Variants in AKAP10 observed in about 807,000 individuals in gnomAD.
AKAP10 encodes A-kinase anchoring protein 10.
AKAP10 carries 24 observed loss-of-function variants against 80.8 expected under a neutral mutation model. The ratio of observed to expected loss-of-function variants is 0.30; its 90% CI spans 0.22 to 0.42. The LOEUF is 0.42. AKAP10 is among the 10% of genes least tolerant of loss of function. The probability of loss-of-function intolerance (pLI) is 1.00; values close to 1 mark genes in which losing one functional copy is unlikely to be tolerated. For synonymous variants in AKAP10, 291 were observed against 277.7 expected (o/e 1.05, Z -0.48); for missense variants, 661 against 794.9 (o/e 0.83, Z 2.03).
intron 2 of AKAP10, 42 bp downstream of exon 2, chr17:19,968,372 C>T: frequency 2.0e-6 from 3 of 1,534,066 alleles, no homozygotes; most frequent in Non-Finnish European, 2.7e-6. Context: ...ATGCAAAGCA[C>T]ATCACTTTTT....
chr17:19,969,624 G>C (rs2043468938), intron 1 of AKAP10, among the ~76,000 whole-genome samples: 1 of 151,388 alleles, frequency 6.6e-6, no homozygotes, highest in South Asian at 2.1e-4. Context: ...CTGTATTTGT[G>C]CTCTTAAACA....
intron 11 of AKAP10, among the ~76,000 whole-genome samples, chr17:19,921,779 G>A (rs2042820228): frequency 6.6e-6 from 1 of 152,080 alleles, no homozygotes; most frequent in Non-Finnish European, 1.5e-5. Context: ...GGGAAAAACT[G>A]CAAATGACTT....
intron 13 of AKAP10, among the ~76,000 whole-genome samples, 193 bp from the exon 14 acceptor site, chr17:19,909,469 G>C (rs962758422): frequency 1.3e-5 from 2 of 152,172 alleles, no homozygotes; most frequent in Admixed American, 1.3e-4. Context: ...CTGTCTTCCA[G>C]TGTCAACTAC....
chr17:19,946,232 ATATATTATAT>A (rs2043111393), intron 5 of AKAP10, among the ~76,000 whole-genome samples: 1 of 17,176 alleles, frequency 5.8e-5, no homozygotes, highest in African/African-American at 2.4e-4. Flanking sequence ...TTATATATAT[ATATATTATAT>A]ATATATATAT....
chr17:19,952,462 C>CTCAA (rs945952031), intron 4 of AKAP10, among the ~76,000 whole-genome samples: 1 of 144,472 alleles, frequency 6.9e-6, no homozygotes, highest in Non-Finnish European at 1.5e-5. Context: ...AAAACTCTGT[C>CTCAA]TCAATAAATA....
intron 4 of AKAP10, among the ~76,000 whole-genome samples, chr17:19,949,202 A>G (rs944684000): frequency 6.6e-6 from 1 of 152,134 alleles, no homozygotes; most frequent in Admixed American, 6.6e-5. Flanking sequence ...GGAGCAAAGT[A>G]TAAGACATAC....
intron 12 of AKAP10, among the ~76,000 whole-genome samples, chr17:19,911,220 T>C (rs1440345064): frequency 6.6e-6 from 1 of 152,170 alleles, no homozygotes; most frequent in Non-Finnish European, 1.5e-5. Flanking sequence ...AATCACCCCA[T>C]GCACTGTTCT....
chr17:19,947,535 CA>C (rs1567766996), intron 4 of AKAP10, 30 bp from the exon 5 acceptor site: 1 of 1,471,936 alleles, frequency 6.8e-7, no homozygotes. Flanking sequence ...CTTCAAAAAC[CA>C]AAAAGCAACT....
intron 13 of AKAP10, 115 bp from the exon 14 acceptor site, chr17:19,909,391 A>T (rs912658195): frequency 1.1e-6 from 1 of 923,452 alleles, no homozygotes; most frequent in Non-Finnish European, 1.6e-6. Context: ...TATTTGGATA[A>T]GAATTTCATT....
At chr17:19,911,664 C>T (rs1337962438) in intron 12 of AKAP10, among the ~76,000 whole-genome samples, 1 of 151,444 alleles carries the variant, frequency 6.6e-6, no homozygotes, top group African/African-American at 2.4e-5. Context: ...GGAGAAACCC[C>T]GTCTCTACTA....
chr17:19,951,490 T>C (rs1271962003), intron 4 of AKAP10, among the ~76,000 whole-genome samples: 3 of 152,244 alleles, frequency 2.0e-5, no homozygotes, highest in East Asian at 1.9e-4. Flanking sequence ...AGAGATCAGA[T>C]TGTTACTGTG....
rs1022673724 is a variant in AKAP10, at chr17:19,961,139, T to G, written c.319+1701A>C. On this transcript the variant is annotated intron_variant, in intron 3 of 14. Coordinates refer to ENST00000225737, the MANE Select transcript of AKAP10 (RefSeq NM_007202.4). ...AGTGGATCGCTTGATTCCAGGAGTT[T>G]GAGACCAGCCTGGGAAACATGGCGA... Among the ~76,000 whole-genome samples, 10 of 146,624 alleles carry G rather than the reference T, an allele frequency of 6.8e-5. 1 individual carries two copies. In the Admixed American group the frequency reaches 7.0e-4, roughly 10 times the overall value.
At chr17:19,911,707 T>C (rs953174543) in intron 12 of AKAP10, among the ~76,000 whole-genome samples, 3 of 151,382 alleles carry the variant, frequency 2.0e-5, no homozygotes, top group African/African-American at 7.3e-5. Context: ...TGGTGGTGCA[T>C]GGCTGTAATC....
chr17:19,939,781 C>T lies in AKAP10; in HGVS notation c.1254G>A (p.Gln418=), dbSNP rs769940504. The stretch of plus-strand genomic sequence containing the variant: ...CATATTGGCCCTTTTTGGCAGCAAG[C>T]TGAGACTGGAAGTTATCTGCTGCCA... ...FWLAADNFQS[Q]LAAKKGQYDG... The change falls in exon 8 of 15, where the codon CAG becomes CAA. Residue 418 remains glutamine, a synonymous_variant. Coordinates refer to ENST00000225737, the MANE Select transcript of AKAP10 (RefSeq NM_007202.4). 6.2e-7 allele frequency: 1 copy of T among 1,613,920 alleles called. No individual in the cohort carries two copies. Among genetic ancestry groups the T allele is most frequent in the Admixed American group, 1.7e-5 (1 of 59,980 alleles).
chr17:19,953,904 CGCTTGTAA>C (rs2152416995), intron 4 of AKAP10, among the ~76,000 whole-genome samples: 1 of 152,160 alleles, frequency 6.6e-6, no homozygotes, highest in Non-Finnish European at 1.5e-5. Flanking sequence ...TGGTGGCACA[CGCTTGTAA>C]TCCCAGCTAT....
At position 19,958,053 on chromosome 17, in the gene AKAP10, C is replaced by A. The variant is rs147191247; in HGVS notation, c.838G>T (p.Ala280Ser). ...CCTGACAATTCTTTTAGTGGAGAAG[C>A]GGGACTATTTCTACTGGCTACTGTA... The part of the protein sequence containing the change: ...TLTVASRNSP[A>S]SPLKELSGKL... Residue 280 changes from alanine to serine, a missense_variant, in exon 4 of 15, where the codon GCT becomes TCT. By Grantham distance (99) the Ala-to-Ser change is moderately conservative (BLOSUM62 1). Transcript: ENST00000225737. 1 of 1,613,194 alleles carries A rather than the reference C, an allele frequency of 6.2e-7. No individual in the cohort carries two copies. The highest frequency in any genetic ancestry group is 1.1e-5 in the South Asian group (1 of 90,852).
chr17:19,950,849 C>T (rs1357076435), intron 4 of AKAP10, among the ~76,000 whole-genome samples: 1 of 151,652 alleles, frequency 6.6e-6, no homozygotes, highest in Admixed American at 6.6e-5. Flanking sequence ...GCTGCCATCC[C>T]GTCTAGGAAG....
At chr17:19,961,080 G>C (rs947355552) in intron 3 of AKAP10, among the ~76,000 whole-genome samples, 1 of 150,736 alleles carries the variant, frequency 6.6e-6, no homozygotes, top group South Asian at 2.1e-4. Flanking sequence ...AGTAGCTCAC[G>C]CCCGTAATCC....
chr17:19,956,242 T>C (rs1452769601), intron 4 of AKAP10, among the ~76,000 whole-genome samples: 1 of 152,078 alleles, frequency 6.6e-6, no homozygotes, highest in Non-Finnish European at 1.5e-5. Context: ...AGGCCCCAGG[T>C]GCATGGCAAA....
Sources: gnomAD v4.1 joint callset for allele counts (sites outside exome capture counted in the v4.1 genomes callset) on GRCh38, gnomAD v4.1.1 for gene constraint, MANE v1.5 for transcripts, NCBI Gene and HGNC (gene_info 2026-07-23, HGNC 2026-07-21) for gene names.